TMEM131: variants seen among roughly 807,000 people sequenced by gnomAD.
TMEM131 encodes transmembrane protein 131.
TMEM131 carries 66 observed loss-of-function variants against 211.6 expected under a neutral mutation model. The observed-to-expected ratio is 0.31, with a 90% CI of 0.26 to 0.38. TMEM131 has a LOEUF of 0.38. TMEM131 is among the 10% of genes least tolerant of loss of function. TMEM131 has a pLI of 1.00. For synonymous variants in TMEM131, 844 were observed against 841.3 expected (o/e 1.00, Z -0.06); for missense variants, 2,036 against 2,299.3 (o/e 0.89, Z 2.34).
At chr2:97,849,705 ATCTC>A (rs200645078) in intron 5 of TMEM131, among the ~76,000 whole-genome samples, 18 of 142,594 alleles carry the variant, frequency 1.3e-4, no homozygotes, top group African/African-American at 2.9e-4. Flanking sequence ...GTGTGTGTAT[ATCTC>A]TCTCTCTCTT....
chr2:97,976,595 A>G (rs1679546749), intron 1 of TMEM131, among the ~76,000 whole-genome samples: 1 of 152,184 alleles, frequency 6.6e-6, no homozygotes, highest in African/African-American at 2.4e-5. Context: ...AAATTCATCT[A>G]TAGATTCAAC....
At chr2:97,908,323 G>C (rs1191911108) in intron 3 of TMEM131, among the ~76,000 whole-genome samples, 3 of 152,090 alleles carry the variant, frequency 2.0e-5, no homozygotes, top group Non-Finnish European at 4.4e-5. Flanking sequence ...TGGTAACTGG[G>C]GGCAGCAGTG....
intron 34 of TMEM131, 66 bp from the exon 35 acceptor site, chr2:97,766,329 A>G (rs749102341): frequency 4.8e-5 from 77 of 1,607,700 alleles, no homozygotes; most frequent in Non-Finnish European, 5.9e-5. Context: ...GTCTATTTCA[A>G]TGAACCTTCT....
At chr2:97,784,369 A>C (rs547186396) in intron 31 of TMEM131, among the ~76,000 whole-genome samples, 1 of 152,254 alleles carries the variant, frequency 6.6e-6, no homozygotes, top group Admixed American at 6.5e-5. Flanking sequence ...CATTTAACAC[A>C]TTTAAAAGAA....
intron 2 of TMEM131, among the ~76,000 whole-genome samples, chr2:97,918,967 G>C (rs1470542696): frequency 6.6e-6 from 1 of 152,216 alleles, no homozygotes; most frequent in Admixed American, 6.5e-5. Flanking sequence ...CACGTGATGG[G>C]AAAGTGATGC....
Position 97,888,078 on chromosome 2 carries a change from C to T in TMEM131, c.333G>A (p.Glu111=), listed in dbSNP as rs1342338969. The change falls in exon 4 of 41, where the codon GAG becomes GAA. Residue 111 remains glutamate, a synonymous_variant. Coordinates refer to ENST00000186436, the MANE Select transcript of TMEM131 (RefSeq NM_015348.2). ...YRGNCRPIRF[E]PPMLDFHEQP... ...GTTCATGGAAATCCAGCATTGGTGG[C>T]TCAAATCGTATGGGCCTGCAATTCC... 2.5e-6 allele frequency: 4 copies of T among 1,613,490 alleles called. No individual in the cohort carries two copies. The highest frequency in any genetic ancestry group is 1.3e-5 in the African/African-American group (1 of 74,906).
rs552393359 is a variant in TMEM131, at chr2:97,784,200, A to C, written c.4145-8182T>G. 6.6e-5 allele frequency among the ~76,000 whole-genome samples: 10 copies of C among 152,210 alleles called. No homozygotes were observed. The South Asian group carries it at 2.1e-3, about 32-fold the overall frequency. ...GACAGAAAAATCAGGAAAGAACTTAACACCATTATCAACCAACAGACTCTA... is the reference window on the plus strand; with the variant it reads ...GACAGAAAAATCAGGAAAGAACTTACCACCATTATCAACCAACAGACTCTA... On this transcript the variant is annotated intron_variant, in intron 31 of 40. Transcript: ENST00000186436.
At chr2:97,887,292 C>T (rs1675201254) in intron 4 of TMEM131, among the ~76,000 whole-genome samples, 1 of 152,058 alleles carries the variant, frequency 6.6e-6, no homozygotes, top group Non-Finnish European at 1.5e-5. Context: ...TAGTGGCGAC[C>T]CACAGGGCTA....
At chr2:97,807,273 C>T (rs1267442720) in intron 19 of TMEM131, among the ~76,000 whole-genome samples, 11 of 152,142 alleles carry the variant, frequency 7.2e-5, no homozygotes, top group Admixed American at 2.6e-4. Context: ...CTCTAAATCT[C>T]ATGCTGAAAT....
intron 1 of TMEM131, among the ~76,000 whole-genome samples, chr2:97,946,917 T>C (rs1216744151): frequency 6.6e-6 from 1 of 151,298 alleles, no homozygotes; most frequent in Non-Finnish European, 1.5e-5. Flanking sequence ...AAATACTGTT[T>C]AAATATTCAA....
intron 4 of TMEM131, among the ~76,000 whole-genome samples, chr2:97,880,811 C>T (rs1473605371): frequency 6.6e-6 from 1 of 152,076 alleles, no homozygotes; most frequent in Non-Finnish European, 1.5e-5. Context: ...AGAAATGCAG[C>T]CGCACACAAC....
intron 11 of TMEM131, chr2:97,827,175 A>C (rs1682435649): frequency 4.8e-6 from 3 of 625,848 alleles, no homozygotes; most frequent in Non-Finnish European, 8.8e-6. Flanking sequence ...GCGGCAAGGC[A>C]GCCCAGTTTC....
At chr2:97,767,947 G>A (rs186551976) in intron 33 of TMEM131, among the ~76,000 whole-genome samples, 3 of 152,188 alleles carry the variant, frequency 2.0e-5, no homozygotes, top group Admixed American at 6.5e-5. Context: ...CCGATCTAAC[G>A]GCACCATAAC....
chr2:97,968,843 G>A (rs1354145679), intron 1 of TMEM131, among the ~76,000 whole-genome samples: 1 of 152,122 alleles, frequency 6.6e-6, no homozygotes, highest in African/African-American at 2.4e-5. Context: ...AGCACCTTGG[G>A]AGGCCAAAGT....
At chr2:97,777,032 G>A (rs1312744464) in intron 31 of TMEM131, among the ~76,000 whole-genome samples, 6 of 152,188 alleles carry the variant, frequency 3.9e-5, no homozygotes, top group African/African-American at 1.4e-4. Context: ...CAAGACAAAT[G>A]AGAACCAGCC....
rs1420270011 is a variant in TMEM131 at position 97,762,349 on chromosome 2, G to C, written c.4724-149C>G. ...GCTCTTAGATGTGTTCTGTTTAACA[G>C]GTTTTAAAGAGAAAGCAGCCACATC... is the stretch of plus-strand genomic sequence containing the variant. On this transcript the variant is annotated intron_variant, in intron 35 of 40. Coordinates refer to ENST00000186436, the MANE Select transcript of TMEM131 (RefSeq NM_015348.2). 7 of 768,712 alleles carry C rather than the reference G, an allele frequency of 9.1e-6. No individual in the cohort carries two copies. In the East Asian group the frequency reaches 2.1e-4, roughly 23 times the overall value. 47.6% of individuals were successfully genotyped at this position (768,712 alleles called of 1,614,324 possible).
intron 1 of TMEM131, among the ~76,000 whole-genome samples, chr2:97,955,969 C>T (rs1361693590): frequency 1.3e-5 from 2 of 152,166 alleles, no homozygotes; most frequent in Admixed American, 1.3e-4. Context: ...ATTTCATACA[C>T]ACAAACTAGC....
intron 4 of TMEM131, among the ~76,000 whole-genome samples, chr2:97,879,608 C>G (rs1674839253): frequency 6.6e-6 from 1 of 152,182 alleles, no homozygotes; most frequent in Non-Finnish European, 1.5e-5. Flanking sequence ...GGATTTTCTT[C>G]CGCCTCTGCC....
rs756691746 is a variant in TMEM131 at position 97,814,022 on chromosome 2, G to A, written c.1566C>T (p.Thr522=). 1.2e-6 allele frequency: 2 copies of A among 1,600,472 alleles called. No homozygotes were observed. The highest frequency in any genetic ancestry group is 1.7e-6 in the Non-Finnish European group (2 of 1,172,520). The part of the protein sequence containing the change: ...MHIDNNILLI[T]NASKFHLPVR... ...CGGGTAAATGAAATTTAGAAGCATT[G>A]GTAATAAGTAAAATGTTGTTATCAA... is the stretch of plus-strand genomic sequence containing the variant. Residue 522 remains threonine (T), a synonymous_variant, in exon 15 of 41, where the codon ACC becomes ACT. Coordinates refer to ENST00000186436, the MANE Select transcript of TMEM131 (RefSeq NM_015348.2).
Sources: gnomAD v4.1 joint callset for allele counts (sites outside exome capture counted in the v4.1 genomes callset) on GRCh38, gnomAD v4.1.1 for gene constraint, MANE v1.5 for transcripts, NCBI Gene and HGNC (gene_info 2026-07-23, HGNC 2026-07-21) for gene names.